THSD4: variants seen among roughly 807,000 people sequenced by gnomAD.
The protein encoded by THSD4 is thrombospondin type 1 domain containing 4, also known as thrombospondin type-1 domain-containing protein 4.
Under a neutral mutation model 119.0 loss-of-function variants are expected in THSD4, and 69 were observed. The ratio of observed to expected loss-of-function variants is 0.58; its 90% CI spans 0.48 to 0.71. The LOEUF is 0.71. THSD4 is among the 30% of genes least tolerant of loss of function. The probability of loss-of-function intolerance (pLI) is 0.00; values close to 1 mark genes in which losing one functional copy is unlikely to be tolerated. For missense variants in THSD4, 1,393 were observed against 1,391.1 expected (o/e 1.00, Z -0.02); for synonymous variants, 524 against 540.4 (o/e 0.97, Z 0.42).
chr15:71,739,590 A>T (rs1331541275), intron 11 of THSD4, among the ~76,000 whole-genome samples: 1 of 152,148 alleles, frequency 6.6e-6, no homozygotes, highest in Non-Finnish European at 1.5e-5. Flanking sequence ...TTTCAAGCTG[A>T]CTCATTGCAA....
chr15:71,220,630 A>G (rs979084371), intron 4 of THSD4, among the ~76,000 whole-genome samples: 5 of 152,302 alleles, frequency 3.3e-5, no homozygotes, highest in Admixed American at 3.3e-4. Flanking sequence ...GCTCAAAGTG[A>G]ACGCTGTAAC....
At chr15:71,269,746 G>A (rs1343996546) in intron 6 of THSD4, among the ~76,000 whole-genome samples, 1 of 152,166 alleles carries the variant, frequency 6.6e-6, no homozygotes, top group African/African-American at 2.4e-5. Context: ...AGCAACTTCA[G>A]CAAAGTCTCA....
intron 7 of THSD4, among the ~76,000 whole-genome samples, chr15:71,628,505 G>T (rs143959637): frequency 2.0e-5 from 3 of 152,176 alleles, no homozygotes; most frequent in Non-Finnish European, 4.4e-5. Context: ...AGCCCATTTG[G>T]CAGAGACCAG....
chr15:71,472,446 G>T (rs1474840813), intron 7 of THSD4, among the ~76,000 whole-genome samples: 1 of 152,090 alleles, frequency 6.6e-6, no homozygotes, highest in East Asian at 1.9e-4. Context: ...GCCCATCTGA[G>T]CAGGGATCCT....
chr15:71,481,697 G>A (rs1203328514), intron 7 of THSD4, among the ~76,000 whole-genome samples: 1 of 152,148 alleles, frequency 6.6e-6, no homozygotes, highest in Non-Finnish European at 1.5e-5. Context: ...AGAAAAAGAA[G>A]GACAAGATGT....
At chr15:71,774,492 G>A (rs940375633) in intron 17 of THSD4, among the ~76,000 whole-genome samples, 2 of 152,104 alleles carry the variant, frequency 1.3e-5, no homozygotes, top group South Asian at 2.1e-4. Flanking sequence ...GTGGCAACTC[G>A]TAACTTGGTG....
chr15:71,430,964 T>C (rs1212763673), intron 7 of THSD4, among the ~76,000 whole-genome samples: 3 of 152,072 alleles, frequency 2.0e-5, no homozygotes, highest in African/African-American at 7.2e-5. Context: ...AACCAGTGTT[T>C]CCAATTGTGT....
intron 7 of THSD4, among the ~76,000 whole-genome samples, chr15:71,473,544 C>G (rs1284938364): frequency 6.6e-6 from 1 of 152,170 alleles, no homozygotes; most frequent in African/African-American, 2.4e-5. Context: ...GTAATGGTAA[C>G]AGCCTGAACA....
intron 8 of THSD4, among the ~76,000 whole-genome samples, chr15:71,726,248 G>A (rs1313738426): frequency 6.6e-6 from 1 of 152,224 alleles, no homozygotes; most frequent in Non-Finnish European, 1.5e-5. Context: ...GCACCAGCCA[G>A]CCCAGTGTGG....
At chr15:71,323,458 G>C (rs2045300263) in intron 6 of THSD4, among the ~76,000 whole-genome samples, 1 of 152,264 alleles carries the variant, frequency 6.6e-6, no homozygotes, top group Non-Finnish European at 1.5e-5. Flanking sequence ...GGATTGTTCA[G>C]AGAGCCAGTG....
intron 7 of THSD4, among the ~76,000 whole-genome samples, chr15:71,440,892 A>G (rs2047078837): frequency 6.6e-6 from 1 of 152,196 alleles, no homozygotes; most frequent in African/African-American, 2.4e-5. Flanking sequence ...CTTGGGAGCA[A>G]TTATGTATGG....
At chr15:71,736,729 G>A (rs976077865) in intron 10 of THSD4, among the ~76,000 whole-genome samples, 1 of 151,982 alleles carries the variant, frequency 6.6e-6, no homozygotes, top group African/African-American at 2.4e-5. Context: ...CTCTGGGCTG[G>A]CCCCTCAGGG....
chr15:71,618,740 A>G (rs1159467205), intron 7 of THSD4, among the ~76,000 whole-genome samples: 1 of 151,976 alleles, frequency 6.6e-6, no homozygotes, highest in East Asian at 1.9e-4. Context: ...CACCAGGCTG[A>G]CTTTTAAAAA....
intron 6 of THSD4, among the ~76,000 whole-genome samples, chr15:71,409,904 T>G (rs1020043173): frequency 1.3e-5 from 2 of 152,192 alleles, no homozygotes; most frequent in Admixed American, 6.5e-5. Flanking sequence ...TTTTTTGTTT[T>G]TTTTACATAC....
chr15:71,430,522 G>A (rs1474196329), intron 7 of THSD4, among the ~76,000 whole-genome samples: 1 of 152,112 alleles, frequency 6.6e-6, no homozygotes, highest in Non-Finnish European at 1.5e-5. Flanking sequence ...GACTACGTCT[G>A]TAATAACTAC....
At chr15:71,423,648 G>A (rs1290872534) in intron 7 of THSD4, among the ~76,000 whole-genome samples, 1 of 152,188 alleles carries the variant, frequency 6.6e-6, no homozygotes, top group African/African-American at 2.4e-5. Flanking sequence ...GGTTGGAGGA[G>A]GCGGAGTGTA....
At chr15:71,316,547 CT>C (rs754684354) in intron 6 of THSD4, among the ~76,000 whole-genome samples, 7 of 151,864 alleles carry the variant, frequency 4.6e-5, no homozygotes, top group Non-Finnish European at 1.0e-4. Flanking sequence ...TGTCATTTGG[CT>C]CCTTAAATAT....
chr15:71,181,066 C>G (rs2043519302), intron 3 of THSD4, among the ~76,000 whole-genome samples: 3 of 152,130 alleles, frequency 2.0e-5, no homozygotes, highest in Admixed American at 6.6e-5. Context: ...CAAAGATGCT[C>G]TTTAAAGAAT....
chr15:71,727,769 C>CAA (rs11446418), intron 8 of THSD4, among the ~76,000 whole-genome samples: 65,324 of 126,014 alleles, frequency 0.52, 19,625 homozygotes, highest in East Asian at 0.8. Flanking sequence ...GACCCTGTCT[C>CAA]AAAAAAAAAA....
Sources: gnomAD v4.1 joint callset for allele counts (sites outside exome capture counted in the v4.1 genomes callset) on GRCh38, gnomAD v4.1.1 for gene constraint, MANE v1.5 for transcripts, NCBI Gene and HGNC (gene_info 2026-07-23, HGNC 2026-07-21) for gene names.